The following ZNF557 variants were observed in gnomAD, a reference collection of about 807,000 sequenced individuals.
ZNF557 encodes zinc finger protein 557.
Under a neutral mutation model 21.2 loss-of-function variants are expected in ZNF557, and 19 were observed. The ratio of observed to expected loss-of-function variants is 0.90; its 90% CI spans 0.63 to 1.32. The LOEUF (loss-of-function observed/expected upper bound fraction) is 1.32, where lower values mean the gene tolerates loss of function less well. Ranked by LOEUF, ZNF557 falls within the 40% of genes most tolerant of loss-of-function variation. ZNF557 has a pLI of 0.00. For synonymous variants in ZNF557, 207 were observed against 194.8 expected (o/e 1.06, Z -0.52); for missense variants, 487 against 519.8 (o/e 0.94, Z 0.61).
chr19:7,074,027 G>A (rs940069812), intron 2 of ZNF557, among the ~76,000 whole-genome samples: 61 of 138,548 alleles, frequency 4.4e-4, no homozygotes, highest in Non-Finnish European at 6.9e-4. Context: ...TCCAAATGGA[G>A]TGTTGCTCTG....
chr19:7,083,880 C>T lies in ZNF557; in HGVS notation c.*136C>T. 1 of 1,072,268 alleles carries T rather than the reference C, an allele frequency of 9.3e-7. No homozygotes were observed. Among genetic ancestry groups the T allele is most frequent in the Non-Finnish European group, 1.3e-6 (1 of 745,532 alleles). The allele number at this position is 1,072,268 out of a possible 1,614,324, so 66.4% of individuals were successfully genotyped here. On this transcript the variant is annotated 3_prime_UTR_variant, in exon 8 of 8. Transcript: ENST00000252840. ...AAAATTTTGTGGCTTCAAACAAAAA[C>T]ACTTGTTATCTCAAAATTTTTGTAG...
Position 7,084,882 on chromosome 19 carries a change from C to T in ZNF557, c.*1138C>T, listed in dbSNP as rs760214660. 1 of 152,116 alleles carries T rather than the reference C, an allele frequency of 6.6e-6. No individual in the cohort carries two copies. Among genetic ancestry groups the T allele is most frequent in the South Asian group, 2.1e-4 (1 of 4,824 alleles). 9.4% of individuals were successfully genotyped at this position (152,116 alleles called of 1,614,324 possible). ...ATGACAACTCACAATAAGGGGAAACCCTGTGTGTGGCATCAAAAATGGAAA... is the reference window on the plus strand; with the variant it reads ...ATGACAACTCACAATAAGGGGAAACTCTGTGTGTGGCATCAAAAATGGAAA... On this transcript the variant is annotated 3_prime_UTR_variant, in exon 8 of 8. Transcript: ENST00000252840.
chr19:7,072,157 C>T (rs1977475955), intron 2 of ZNF557, among the ~76,000 whole-genome samples: 1 of 148,698 alleles, frequency 6.7e-6, no homozygotes, highest in East Asian at 2.0e-4. Context: ...GGCACAGTGG[C>T]TCACACCTGT....
chr19:7,081,278 C>A, intron 5 of ZNF557, 82 bp from the exon 6 acceptor site: 1 of 879,796 alleles, frequency 1.1e-6, no homozygotes. Flanking sequence ...ACCTCTTCAC[C>A]TTCAGAACTG....
At chr19:7,069,842 C>T (rs907759276) in intron 1 of ZNF557, 69 bp downstream of exon 1, 4 of 152,330 alleles carry the variant, frequency 2.6e-5, no homozygotes, top group African/African-American at 9.6e-5. Flanking sequence ...GGTTTCCGCC[C>T]CTGAGGCCTC....
chr19:7,072,972 G>A (rs62124462), intron 2 of ZNF557, among the ~76,000 whole-genome samples: 2,215 of 152,200 alleles, frequency 0.015, 23 homozygotes, highest in Non-Finnish European at 0.024. Flanking sequence ...ACTGGGTGAG[G>A]AAATGCTATG....
Position 7,083,507 on chromosome 19 carries a change from G to C in ZNF557, c.1056G>C (p.Glu352Asp), listed in dbSNP as rs756256438. ...HTGEKPYTCN[E>D]CGKSFTNSFS... Reference sequence around the variant, plus strand: ...GAGAAAAACCCTACACATGTAATGAGTGTGGGAAATCCTTTACCAATAGCT... The same window carrying C: ...GAGAAAAACCCTACACATGTAATGACTGTGGGAAATCCTTTACCAATAGCT... Residue 352 changes from glutamate to aspartate, a missense_variant, in exon 8 of 8, where the codon GAG becomes GAC. Glu to Asp is a conservative substitution (Grantham distance 45). Transcript: ENST00000252840. The C allele has an allele frequency of 6.2e-7, 1 of 1,614,210 alleles. No homozygotes were observed. Among genetic ancestry groups the C allele is most frequent in the Non-Finnish European group, 8.5e-7 (1 of 1,180,034 alleles).
At chr19:7,071,584 CTG>C (rs1977458503) in intron 2 of ZNF557, among the ~76,000 whole-genome samples, 2 of 152,128 alleles carry the variant, frequency 1.3e-5, no homozygotes, top group Admixed American at 6.5e-5. Flanking sequence ...TCAAGCCTGT[CTG>C]TAATCCCAGA....
chr19:7,081,190 TGTGTGTGTGTGA>T (rs532209606), intron 5 of ZNF557, among the ~76,000 whole-genome samples, 158 bp from the exon 6 acceptor site: 3,034 of 51,240 alleles, frequency 0.059, 125 homozygotes, highest in African/African-American at 0.24. Flanking sequence ...TGTGTGTGTG[TGTGTGTGTGTGA>T]GTGTTTAAGA....
intron 2 of ZNF557, among the ~76,000 whole-genome samples, chr19:7,073,461 A>G (rs996607527): frequency 2.6e-5 from 4 of 151,990 alleles, no homozygotes; most frequent in Admixed American, 6.6e-5. Context: ...TGGCTATAAT[A>G]CAGATTTTCT....
In ZNF557 at chr19:7,075,651, C is replaced by G. The variant is rs75879765; in HGVS notation, c.32-4C>G. The G allele has an allele frequency of 2.0e-3, 3,165 of 1,613,188 alleles. 5 individuals are homozygous for G. Among genetic ancestry groups the G allele is most frequent in the Admixed American group, 5.5e-3 (327 of 59,978 alleles). On this transcript the variant is annotated splice_region_variant and splice_polypyrimidine_tract_variant and intron_variant, in intron 3 of 7. Transcript: ENST00000252840. ...ATTCCTGGTACTCATTTCTCCTCCT[C>G]CAGCTCTGTCTTCCCTGTTCCCAGC...
rs1487733656 is a variant in ZNF557, at chr19:7,074,862, G to C, written c.-79-134G>C. The C allele has an allele frequency of 1.0e-5, 6 of 593,416 alleles. No individual in the cohort carries two copies. In the Admixed American group the frequency reaches 1.5e-4, roughly 14 times the overall value. The allele number at this position is 593,416 out of a possible 1,614,324, so 36.8% of individuals were successfully genotyped here. ...ACCGAGGCAGGGCACGGGCAGGAGGGGGGGTGACCGAGGCAGGGCACGGGC... is the reference window on the plus strand; with the variant it reads ...ACCGAGGCAGGGCACGGGCAGGAGGCGGGGTGACCGAGGCAGGGCACGGGC... On this transcript the variant is annotated intron_variant, in intron 2 of 7. Transcript: ENST00000252840.
intron 7 of ZNF557, 130 bp downstream of exon 7, chr19:7,082,182 G>A: frequency 1.6e-6 from 1 of 621,370 alleles, no homozygotes; most frequent in African/African-American, 2.7e-5. Context: ...TTGGGAAGCT[G>A]AGGCAGTTGG....
chr19:7,074,731 GA>G (rs1187323841), intron 2 of ZNF557, among the ~76,000 whole-genome samples: 1 of 145,396 alleles, frequency 6.9e-6, no homozygotes, highest in Non-Finnish European at 1.5e-5. Flanking sequence ...ACAGGCTGGA[GA>G]GGGGGTGACC....
At chr19:7,082,784 A>G in intron 7 of ZNF557, 94 bp from the exon 8 acceptor site, 1 of 1,310,996 alleles carries the variant, frequency 7.6e-7, no homozygotes, top group Non-Finnish European at 1.0e-6. Flanking sequence ...ATACTATGAT[A>G]CACAACAGAA....
intron 3 of ZNF557, among the ~76,000 whole-genome samples, 199 bp downstream of exon 3, chr19:7,075,304 G>A (rs540522691): frequency 6.6e-6 from 1 of 152,292 alleles, no homozygotes; most frequent in East Asian, 1.9e-4. Context: ...CACCTGTGTG[G>A]TGAATGTGCT....
At chr19:7,075,617 C>A in intron 3 of ZNF557, 38 bp from the exon 4 acceptor site, 1 of 1,601,398 alleles carries the variant, frequency 6.2e-7, no homozygotes, top group Non-Finnish European at 8.5e-7. Flanking sequence ...GGACACAGGG[C>A]AGGTGTGGAT....
Position 7,076,449 on chromosome 19 carries a change from C to T in ZNF557, c.189C>T (p.Ala63=). 4 of 1,614,114 alleles carry T rather than the reference C, an allele frequency of 2.5e-6. No homozygotes were observed. The highest frequency in any genetic ancestry group is 3.4e-6 in the Non-Finnish European group (4 of 1,180,028). The change falls in exon 5 of 8, where the codon GCC becomes GCT. Residue 63 remains alanine, a synonymous_variant. Coordinates refer to ENST00000252840, the MANE Select transcript of ZNF557 (RefSeq NM_024341.3). ...TQEEWALLDP[A]QRTLYRDVML... The stretch of plus-strand genomic sequence containing the variant: ...AGGAGTGGGCATTGCTGGACCCTGC[C>T]CAAAGGACACTGTACAGGGACGTGA...
rs113888968 is a variant in ZNF557, at chr19:7,084,521, G to GT, written c.*786dup. ...GCATGACACCATGTCTGGCTAATTT[G>GT]TTTTTTTTTAAACTAGAGGGAGGGT... On this transcript the variant is annotated 3_prime_UTR_variant, in exon 8 of 8. Transcript: ENST00000252840. The GT allele has an allele frequency of 0.15, 22,315 of 150,950 alleles. 1,641 individuals carry two copies. Among genetic ancestry groups the GT allele is most frequent in the African/African-American group, 0.16 (6,566 of 41,082 alleles). 9.4% of individuals were successfully genotyped at this position (150,950 alleles called of 1,614,324 possible).
Sources: allele counts gnomAD v4.1 joint callset (sites outside exome capture counted in the v4.1 genomes callset), GRCh38; gene constraint gnomAD v4.1.1; transcripts MANE v1.5; gene names NCBI Gene and HGNC (gene_info 2026-07-23, HGNC 2026-07-21).